CACNB2: variants seen among roughly 807,000 people sequenced by gnomAD.
CACNB2 encodes the protein voltage-dependent L-type calcium channel subunit beta-2.
CACNB2 carries 42 observed loss-of-function variants against 73.3 expected under a neutral mutation model. The ratio of observed to expected loss-of-function variants is 0.57; its 90% CI spans 0.45 to 0.74. The LOEUF is 0.74. Among genes scored for constraint, CACNB2 ranks in the 30% least tolerant of loss-of-function variants. CACNB2 has a pLI of 0.00. For synonymous variants in CACNB2, 348 were observed against 310.3 expected, an observed-to-expected ratio of 1.12 and a Z score of -1.28; for missense variants, 940 against 853.0, an observed-to-expected ratio of 1.10 and a Z score of -1.27.
At chr10:18,464,613 C>G (rs1033299321) in intron 3 of CACNB2, among the ~76,000 whole-genome samples, 5 of 152,024 alleles carry the variant, frequency 3.3e-5, no homozygotes, top group African/African-American at 1.2e-4. Flanking sequence ...AATAATGGCC[C>G]TAGCCATCAA....
chr10:18,294,233 T>C (rs1488633016), intron 2 of CACNB2, among the ~76,000 whole-genome samples: 2 of 152,224 alleles, frequency 1.3e-5, no homozygotes, highest in Non-Finnish European at 2.9e-5. Flanking sequence ...ACCACCACCT[T>C]CTTTCTCCTG....
chr10:18,234,257 T>G (rs964867369), intron 2 of CACNB2: 1 of 152,240 alleles, frequency 6.6e-6, no homozygotes, highest in Non-Finnish European at 1.5e-5. Context: ...TTATTTAAGA[T>G]ATCTTAAAAT....
chr10:18,194,936 G>T (rs1360864025), intron 2 of CACNB2, among the ~76,000 whole-genome samples: 1 of 152,142 alleles, frequency 6.6e-6, no homozygotes, highest in African/African-American at 2.4e-5. Context: ...AATAAGAATT[G>T]CTCTGGTTTC....
In CACNB2 at chr10:18,479,192, G is replaced by A. The variant is rs147843285; in HGVS notation, c.334-19163G>A. The stretch of plus-strand genomic sequence containing the variant: ...TGTGTACATATTGTTATCTGTATAC[G>A]TATATCTGTATTATATAACATATAT... On this transcript the variant is annotated intron_variant, in intron 3 of 13. Coordinates refer to ENST00000324631, the MANE Select transcript of CACNB2 (RefSeq NM_201596.3). Among the ~76,000 whole-genome samples the A allele has an allele frequency of 1.3e-3, 202 of 151,978 alleles. 1 individual carries two copies. Among genetic ancestry groups the A allele is most frequent in the African/African-American group, 4.6e-3 (189 of 41,468 alleles).
intron 2 of CACNB2, among the ~76,000 whole-genome samples, chr10:18,333,984 C>T (rs539618604): frequency 3.3e-5 from 5 of 152,242 alleles, no homozygotes; most frequent in Admixed American, 2.0e-4. Flanking sequence ...AAAGTTGTCC[C>T]GATTGAAAGT....
chr10:18,484,251 G>A (rs1313596396), intron 3 of CACNB2, among the ~76,000 whole-genome samples: 7 of 152,052 alleles, frequency 4.6e-5, no homozygotes, highest in South Asian at 2.1e-4. Flanking sequence ...AAAATTAGCC[G>A]GGCGTGGTGG....
intron 2 of CACNB2, among the ~76,000 whole-genome samples, chr10:18,184,915 T>C (rs922473942): frequency 1.3e-5 from 2 of 152,046 alleles, no homozygotes; most frequent in African/African-American, 4.8e-5. Flanking sequence ...TGATGGCTCA[T>C]TGCAGCTTCA....
At chr10:18,222,704 A>G (rs1426450806) in intron 2 of CACNB2, among the ~76,000 whole-genome samples, 2 of 152,166 alleles carry the variant, frequency 1.3e-5, no homozygotes, top group African/African-American at 4.8e-5. Context: ...TGGGAGGCCG[A>G]GGTGAGTGGA....
intron 2 of CACNB2, among the ~76,000 whole-genome samples, chr10:18,288,673 T>TTA (rs1379218767): frequency 5.2e-5 from 3 of 57,598 alleles, no homozygotes; most frequent in African/African-American, 2.1e-4. Flanking sequence ...CAAATGAGAT[T>TTA]TATACACACA....
At chr10:18,391,449 G>C (rs985331719) in intron 2 of CACNB2, among the ~76,000 whole-genome samples, 1 of 152,100 alleles carries the variant, frequency 6.6e-6, no homozygotes, top group Non-Finnish European at 1.5e-5. Flanking sequence ...CTCTCTTTCA[G>C]TCCTTATTCA....
intron 2 of CACNB2, among the ~76,000 whole-genome samples, chr10:18,395,526 G>A (rs2043675397): frequency 6.6e-6 from 1 of 152,078 alleles, no homozygotes; most frequent in Non-Finnish European, 1.5e-5. Flanking sequence ...CCTGTTTTCA[G>A]TATTTAGCTC....
intron 3 of CACNB2, among the ~76,000 whole-genome samples, chr10:18,442,912 ATATATATATATATG>A (rs1355959429): frequency 6.0e-5 from 3 of 49,996 alleles, no homozygotes; most frequent in East Asian, 8.4e-4. Flanking sequence ...TAAAAACAAT[ATATATATATATATG>A]TATATATATA....
chr10:18,326,494 C>T (rs1466642514), intron 2 of CACNB2, among the ~76,000 whole-genome samples: 8 of 152,168 alleles, frequency 5.3e-5, no homozygotes, highest in Admixed American at 4.6e-4. Context: ...TGGAAGTAAA[C>T]AGAGTTCCTC....
intron 2 of CACNB2, among the ~76,000 whole-genome samples, chr10:18,280,526 G>A (rs2038497997): frequency 6.6e-6 from 1 of 152,118 alleles, no homozygotes; most frequent in African/African-American, 2.4e-5. Context: ...CTCTCTTTGA[G>A]TGGGAAAATT....
chr10:18,355,731 G>C (rs1041513255), intron 2 of CACNB2, among the ~76,000 whole-genome samples: 14 of 151,196 alleles, frequency 9.3e-5, no homozygotes, highest in Non-Finnish European at 1.6e-4. Flanking sequence ...TTGCCTCCTG[G>C]GTTCAAGCAA....
intron 2 of CACNB2, among the ~76,000 whole-genome samples, chr10:18,171,281 G>C (rs2033207703): frequency 6.6e-6 from 1 of 152,052 alleles, no homozygotes; most frequent in Non-Finnish European, 1.5e-5. Context: ...TGATAAGTTA[G>C]GATATTTTGG....
At chr10:18,185,548 T>C (rs556401344) in intron 2 of CACNB2, among the ~76,000 whole-genome samples, 1 of 152,358 alleles carries the variant, frequency 6.6e-6, no homozygotes, top group East Asian at 1.9e-4. Context: ...CATCTTGGAC[T>C]GTTTTGGACA....
chr10:18,465,288 C>T (rs1452305750), intron 3 of CACNB2, among the ~76,000 whole-genome samples: 1 of 152,166 alleles, frequency 6.6e-6, no homozygotes, highest in East Asian at 1.9e-4. Context: ...CAAGATCATG[C>T]CACTGTGTTC....
intron 2 of CACNB2, among the ~76,000 whole-genome samples, chr10:18,276,585 AT>A (rs35000700): frequency 4.0e-4 from 59 of 147,850 alleles, no homozygotes; most frequent in Middle Eastern, 3.6e-3. Flanking sequence ...AGGCAAAAGG[AT>A]TTTTTTTTTT....
Sources: gnomAD v4.1 joint callset for allele counts (sites outside exome capture counted in the v4.1 genomes callset) on GRCh38, gnomAD v4.1.1 for gene constraint, MANE v1.5 for transcripts, NCBI Gene and HGNC (gene_info 2026-07-23, HGNC 2026-07-21) for gene names.